PCDHA1: variants seen among roughly 807,000 people sequenced by gnomAD.
The protein encoded by PCDHA1 is protocadherin alpha 1, also known as protocadherin alpha-1.
A neutral mutation model predicts 61.3 loss-of-function variants in PCDHA1; 42 were observed. That is an observed-to-expected ratio of 0.69 (90% confidence interval 0.54 to 0.89). The LOEUF (loss-of-function observed/expected upper bound fraction) is 0.89. PCDHA1 is among the 40% of genes least tolerant of loss of function. The probability of loss-of-function intolerance (pLI) is 0.00; values close to 1 mark genes in which losing one functional copy is unlikely to be tolerated. For synonymous variants in PCDHA1, 610 were observed against 553.8 expected, an observed-to-expected ratio of 1.10 and a Z score of -1.43; for missense variants, 1,256 against 1,235.3, an observed-to-expected ratio of 1.02 and a Z score of -0.25.
chr5:140,871,658 C>A, intron 1 of PCDHA1: 1 of 1,224,214 alleles, frequency 8.2e-7, no homozygotes, highest in Non-Finnish European at 1.1e-6. Flanking sequence ...TGATACACAT[C>A]TTCAGTCTTT....
At chr5:140,797,158 C>T (rs201558063) in intron 1 of PCDHA1, 25 of 1,613,854 alleles carry the variant, frequency 1.5e-5, no homozygotes, top group Non-Finnish European at 2.0e-5. Flanking sequence ...CGAGGGTGCG[C>T]GCGCGCCAGG....
chr5:140,833,449 T>C (rs2150208645), intron 1 of PCDHA1, among the ~76,000 whole-genome samples: 13 of 152,180 alleles, frequency 8.5e-5, no homozygotes, highest in African/African-American at 3.1e-4. Context: ...ATTTATCTAA[T>C]AAAATAAACT....
At position 140,882,112 on chromosome 5, in the gene PCDHA1, C is replaced by A. The variant is rs1399071152; in HGVS notation, c.2394+93428C>A. On this transcript the variant is annotated intron_variant, in intron 1 of 3. Transcript: ENST00000504120. ...CTGAGAACGTTTCCGCGAAGAAAGC[C>A]GCCGTTTCTTTCTTCCTGCAGAAAA... 4 of 1,384,574 alleles carry A rather than the reference C, an allele frequency of 2.9e-6. No individual in the cohort carries two copies. The Admixed American group carries it at 7.3e-5, about 25-fold the overall frequency. 85.8% of individuals were successfully genotyped at this position (1,384,574 alleles called of 1,614,324 possible).
Position 140,787,900 on chromosome 5 carries a change from C to T in PCDHA1, c.1610C>T (p.Ala537Val). Residue 537 changes from alanine to valine, a missense_variant, in exon 1 of 4, where the codon GCG becomes GTG. Coordinates refer to ENST00000504120, the MANE Select transcript of PCDHA1 (RefSeq NM_018900.4). ...ELELLQFQVSARDAGVPPLGS... is the reference protein window; with the variant it reads ...ELELLQFQVSVRDAGVPPLGS... Reference sequence around the variant, plus strand: ...GAGCTGCTGCAGTTCCAGGTGAGCGCGCGGGATGCGGGCGTGCCGCCTCTG... The same window carrying T: ...GAGCTGCTGCAGTTCCAGGTGAGCGTGCGGGATGCGGGCGTGCCGCCTCTG... 6.2e-7 allele frequency: 1 copy of T among 1,613,542 alleles called. No homozygotes were observed. Among genetic ancestry groups the T allele is most frequent in the South Asian group, 1.1e-5 (1 of 91,058 alleles).
chr5:140,975,707 A>G (rs1445809800), intron 1 of PCDHA1, among the ~76,000 whole-genome samples: 1 of 152,204 alleles, frequency 6.6e-6, no homozygotes, highest in East Asian at 1.9e-4. Context: ...ATTTTACTTT[A>G]AATCTTAGAA....
chr5:140,860,534 AAGAC>A, intron 1 of PCDHA1: 1 of 152,306 alleles, frequency 6.6e-6, no homozygotes, highest in Middle Eastern at 3.4e-3. Flanking sequence ...TCTGATTTGT[AAGAC>A]AAACCCACCT....
At chr5:140,806,963 A>G in intron 1 of PCDHA1, 2 of 603,190 alleles carry the variant, frequency 3.3e-6, no homozygotes, top group Non-Finnish European at 5.8e-6. Flanking sequence ...GGTTTCCACA[A>G]TTGCTACTTA....
intron 1 of PCDHA1, chr5:140,866,148 ATAAG>A (rs1375745548): frequency 1.4e-4 from 21 of 152,178 alleles, no homozygotes; most frequent in Admixed American, 1.3e-4. Context: ...TGGAAGTGAT[ATAAG>A]TAAGAATCGT....
intron 1 of PCDHA1, chr5:140,836,266 C>A: frequency 6.2e-7 from 1 of 1,613,806 alleles, no homozygotes. Context: ...GGGCTGTACA[C>A]TGGTGAGATC....
rs17844361 is a variant in PCDHA1, at chr5:140,927,747, C to T, written c.2395-51202C>T. ...AAGCAGAGCTGCGACACCGCTTTCA[C>T]GTGCACCCTAAAAGTGGGGAGGTGC... On this transcript the variant is annotated intron_variant, in intron 1 of 3. Coordinates refer to ENST00000504120, the MANE Select transcript of PCDHA1 (RefSeq NM_018900.4). 465 of 1,614,224 alleles carry T rather than the reference C, an allele frequency of 2.9e-4. No homozygotes were observed. In the East Asian group the frequency reaches 8.6e-3, roughly 30 times the overall value.
intron 1 of PCDHA1, among the ~76,000 whole-genome samples, chr5:140,926,081 T>C (rs2153580512): frequency 6.6e-6 from 1 of 152,334 alleles, no homozygotes; most frequent in Admixed American, 6.5e-5. Flanking sequence ...TCTATTGCCC[T>C]CTTGGCAGCT....
intron 1 of PCDHA1, chr5:140,927,190 G>A (rs1554204161): frequency 6.2e-7 from 1 of 1,614,156 alleles, no homozygotes; most frequent in South Asian, 1.1e-5. Context: ...CTACGACCTG[G>A]TGCTCGAGGA....
intron 1 of PCDHA1, among the ~76,000 whole-genome samples, chr5:140,840,300 T>A (rs2150305530): frequency 6.6e-6 from 1 of 152,132 alleles, no homozygotes. Flanking sequence ...TGATTAGATA[T>A]TCTTTTAACT....
At chr5:140,965,911 G>C (rs1476309026) in intron 1 of PCDHA1, among the ~76,000 whole-genome samples, 1 of 152,206 alleles carries the variant, frequency 6.6e-6, no homozygotes, top group African/African-American at 2.4e-5. Context: ...CCAGGATGCT[G>C]GTTTTAGGCT....
At position 140,928,315 on chromosome 5, in the gene PCDHA1, G is replaced by A. The variant is rs535660713; in HGVS notation, c.2395-50634G>A. On this transcript the variant is annotated intron_variant, in intron 1 of 3. Coordinates refer to ENST00000504120, the MANE Select transcript of PCDHA1 (RefSeq NM_018900.4). ...AGTGTTTGCCCAGGACCCCGACCTG[G>A]GGAAGAATGGCCTTGTCTCTTATGA... The A allele has an allele frequency of 1.3e-4, 210 of 1,614,054 alleles. No homozygotes were observed. Among genetic ancestry groups the A allele is most frequent in the Non-Finnish European group, 1.7e-4 (203 of 1,180,048 alleles).
intron 1 of PCDHA1, chr5:140,862,242 A>C (rs1297106167): frequency 4.7e-6 from 1 of 212,242 alleles, no homozygotes; most frequent in Non-Finnish European, 9.5e-6. Flanking sequence ...CATCAATGAT[A>C]GTGTTCCAGA....
chr5:141,009,372 T>C (rs1026606654), intron 3 of PCDHA1, among the ~76,000 whole-genome samples: 3 of 152,152 alleles, frequency 2.0e-5, no homozygotes, highest in Non-Finnish European at 1.5e-5. Context: ...GATGGGAGGA[T>C]TGATTGAGCA....
At chr5:140,809,431 GT>G in intron 1 of PCDHA1, 1 of 1,614,226 alleles carries the variant, frequency 6.2e-7, no homozygotes, top group East Asian at 2.2e-5. Flanking sequence ...TGGGGAGCTG[GT>G]CATACTCGCA....
intron 1 of PCDHA1, among the ~76,000 whole-genome samples, chr5:140,845,922 T>A (rs782092112): frequency 6.7e-6 from 1 of 149,778 alleles, no homozygotes; most frequent in Non-Finnish European, 1.5e-5. Flanking sequence ...CTTATTTTTG[T>A]GTAAAACTAT....
Sources: allele counts gnomAD v4.1 joint callset (sites outside exome capture counted in the v4.1 genomes callset), GRCh38; gene constraint gnomAD v4.1.1; transcripts MANE v1.5; gene names NCBI Gene and HGNC (gene_info 2026-07-23, HGNC 2026-07-21).